BIRC6: variants seen among roughly 807,000 people sequenced by gnomAD.
BIRC6 encodes dual E2 ubiquitin-conjugating enzyme/E3 ubiquitin-protein ligase BIRC6.
A neutral mutation model predicts 503.3 loss-of-function variants in BIRC6; 98 were observed. That is an observed-to-expected ratio of 0.19 (90% CI 0.17 to 0.23). The LOEUF is 0.23. Among genes scored for constraint, BIRC6 ranks in the 10% least tolerant of loss-of-function variants. The pLI, the probability that BIRC6 is intolerant of heterozygous loss-of-function variation, is 1.00. For synonymous variants in BIRC6, 2,240 were observed against 2,078.7 expected, an observed-to-expected ratio of 1.08 and a Z score of -2.11; for missense variants, 5,360 against 5,806.0, an observed-to-expected ratio of 0.92 and a Z score of 2.50.
chr2:32,420,926 C>T (rs2042871295), intron 10 of BIRC6, among the ~76,000 whole-genome samples: 1 of 121,096 alleles, frequency 8.3e-6, no homozygotes, highest in Non-Finnish European at 1.7e-5. Context: ...AGAGGTTTAT[C>T]TGTTTTATTG....
chr2:32,448,665 G>C (rs2046356210), intron 21 of BIRC6, 130 bp from the exon 22 acceptor site: 7 of 657,024 alleles, frequency 1.1e-5, no homozygotes, highest in South Asian at 6.7e-5. Flanking sequence ...AGAGGGGAGA[G>C]GGGAGAGGGG....
rs774040921 is a variant in BIRC6, at chr2:32,414,812, A to G, written c.1521A>G (p.Ile507Met). ...QKEAMEVSLDITALSILQQPE... is the reference protein window; with the variant it reads ...QKEAMEVSLDMTALSILQQPE... ...AAGCCATGGAAGTAAGCCTTGATAT[A>G]ACAGCACTCAGCATTCTCCAACAGC... Residue 507 changes from isoleucine (I) to methionine (M), a missense_variant, in exon 10 of 74, where the codon ATA becomes ATG. By Grantham distance (10) the Ile-to-Met change is conservative. This residue lies in a region of BIRC6 where 700 missense variants were observed against 739.3 expected (regional missense o/e 0.95). Transcript: ENST00000421745. The G allele has an allele frequency of 6.2e-7, 1 of 1,613,970 alleles. No homozygotes were observed. The highest frequency in any genetic ancestry group is 1.1e-5 in the South Asian group (1 of 91,076).
intron 39 of BIRC6, among the ~76,000 whole-genome samples, chr2:32,484,161 G>C (rs2050721913): frequency 6.6e-6 from 1 of 152,130 alleles, no homozygotes; most frequent in Admixed American, 6.5e-5. Context: ...AAAGGTGTGA[G>C]CCATTGTGCC....
intron 61 of BIRC6, among the ~76,000 whole-genome samples, chr2:32,533,697 G>C (rs966337999): frequency 1.3e-5 from 2 of 152,162 alleles, no homozygotes; most frequent in Non-Finnish European, 2.9e-5. Flanking sequence ...GCGAGGAATA[G>C]AGGATATGAT....
chr2:32,428,084 C>T (rs867709093), intron 10 of BIRC6, among the ~76,000 whole-genome samples: 6 of 152,204 alleles, frequency 3.9e-5, no homozygotes, highest in Non-Finnish European at 8.8e-5. Context: ...GGTTTGGTGT[C>T]CAAATACCTT....
At chr2:32,611,727 C>T (rs2062886942) in intron 73 of BIRC6, 145 bp downstream of exon 73, 1 of 905,394 alleles carries the variant, frequency 1.1e-6, no homozygotes, top group Non-Finnish European at 1.5e-6. Flanking sequence ...AATTGTTACT[C>T]AGAAGTCTAT....
rs531762389 is a variant in BIRC6 at position 32,462,871 on chromosome 2, T to C, written c.4754-323T>C. On this transcript the variant is annotated intron_variant, in intron 23 of 73. Transcript: ENST00000421745. ...CTCAGGAGGCTGAGGCACAAGAATCTCTTGAACCCAGACGTGGAGGTTGCA... is the reference window on the plus strand; with the variant it reads ...CTCAGGAGGCTGAGGCACAAGAATCCCTTGAACCCAGACGTGGAGGTTGCA... Among the ~76,000 whole-genome samples, 9 of 150,522 alleles carry C rather than the reference T, an allele frequency of 6.0e-5. No homozygotes were observed. The South Asian group carries it at 1.7e-3, about 28-fold the overall frequency.
intron 70 of BIRC6, 172 bp from the exon 71 acceptor site, chr2:32,602,834 C>A: frequency 2.2e-6 from 1 of 465,092 alleles, no homozygotes; most frequent in South Asian, 5.8e-5. Flanking sequence ...AAATTTGAAT[C>A]ACATCTGAAG....
intron 61 of BIRC6, among the ~76,000 whole-genome samples, chr2:32,531,795 T>G (rs1040169043): frequency 1.3e-5 from 2 of 152,234 alleles, no homozygotes; most frequent in Admixed American, 1.3e-4. Flanking sequence ...GCATTTATCT[T>G]GATTTCATGG....
In BIRC6 at chr2:32,472,224, G is replaced by A. The variant is rs182234034; in HGVS notation, c.6593-888G>A. Among the ~76,000 whole-genome samples, 19 of 152,052 alleles carry A rather than the reference G, an allele frequency of 1.2e-4. No homozygotes were observed. The East Asian group carries it at 2.3e-3, about 19-fold the overall frequency. On this transcript the variant is annotated intron_variant, in intron 32 of 73. Coordinates refer to ENST00000421745, the MANE Select transcript of BIRC6 (RefSeq NM_016252.4). ...TGGGATTATAGGCGTGTACCACCAC[G>A]CCCGGCTAATTGTTTTGTATTTTTA...
intron 21 of BIRC6, among the ~76,000 whole-genome samples, chr2:32,446,151 C>G (rs1045096102): frequency 6.6e-6 from 1 of 152,282 alleles, no homozygotes; most frequent in African/African-American, 2.4e-5. Context: ...CCACCGTGCC[C>G]GGCCAGAAAT....
chr2:32,599,966 A>T, intron 70 of BIRC6, 66 bp downstream of exon 70: 1 of 1,503,254 alleles, frequency 6.7e-7, no homozygotes, highest in Non-Finnish European at 9.0e-7. Context: ...TTGTAATTTG[A>T]AGAAAAATTT....
chr2:32,406,964 C>A (rs2041291846), intron 9 of BIRC6, among the ~76,000 whole-genome samples: 1 of 152,106 alleles, frequency 6.6e-6, no homozygotes, highest in Non-Finnish European at 1.5e-5. Context: ...TGCTGCCTTA[C>A]TAGCTTTTAA....
At chr2:32,467,455 A>T in intron 26 of BIRC6, 70 bp from the exon 27 acceptor site, 1 of 1,250,866 alleles carries the variant, frequency 8.0e-7, no homozygotes, top group Non-Finnish European at 1.2e-6. Context: ...GAGTGCTCCA[A>T]ATTATTTTTG....
intron 66 of BIRC6, among the ~76,000 whole-genome samples, chr2:32,578,973 A>G (rs1243521760): frequency 3.1e-5 from 1 of 32,768 alleles, no homozygotes; most frequent in South Asian, 5.5e-4. Context: ...TTATTTTTAT[A>G]TACCTAATAT....
chr2:32,507,027 G>T (rs1296013870), intron 50 of BIRC6, among the ~76,000 whole-genome samples: 1 of 151,834 alleles, frequency 6.6e-6, no homozygotes, highest in Non-Finnish European at 1.5e-5. Flanking sequence ...TATTAGATGG[G>T]GTTCCATGTT....
At chr2:32,455,076 G>A (rs569236512) in intron 23 of BIRC6, among the ~76,000 whole-genome samples, 11 of 152,214 alleles carry the variant, frequency 7.2e-5, no homozygotes, top group African/African-American at 2.4e-4. Flanking sequence ...TCGTGGAACT[G>A]TATTGAAATT....
At chr2:32,377,815 T>A (rs375600570) in intron 2 of BIRC6, 46 bp downstream of exon 2, 12 of 1,443,752 alleles carry the variant, frequency 8.3e-6, no homozygotes, top group African/African-American at 2.9e-5. Flanking sequence ...TAATGTAATC[T>A]TAGACATATT....
At chr2:32,397,618 A>G (rs151163505) in intron 6 of BIRC6, among the ~76,000 whole-genome samples, 1,508 of 142,874 alleles carry the variant, frequency 0.011, 21 homozygotes, top group Middle Eastern at 0.021. Flanking sequence ...ATATGTGTGT[A>G]TATATATATA....
Sources: allele counts gnomAD v4.1 joint callset (sites outside exome capture counted in the v4.1 genomes callset), GRCh38; gene constraint gnomAD v4.1.1; regional missense constraint gnomAD v4.1.1; transcripts MANE v1.5; gene names NCBI Gene and HGNC (gene_info 2026-07-23, HGNC 2026-07-21).